COG5: variants seen among roughly 807,000 people sequenced by gnomAD.
COG5 encodes conserved oligomeric Golgi complex subunit 5.
COG5 carries 86 observed loss-of-function variants against 110.4 expected under a neutral mutation model. That is an observed-to-expected ratio of 0.78 (90% CI 0.65 to 0.93). The LOEUF (loss-of-function observed/expected upper bound fraction) is 0.93. Ranked by LOEUF, COG5 falls within the 40% of genes least tolerant of loss-of-function variation. COG5 has a pLI of 0.00. For synonymous variants in COG5, 360 were observed against 334.6 expected (o/e 1.08, Z -0.83); for missense variants, 1,077 against 987.0 (o/e 1.09, Z -1.22).
chr7:107,543,716 C>T (rs1252203945), intron 5 of COG5, among the ~76,000 whole-genome samples: 1 of 152,170 alleles, frequency 6.6e-6, no homozygotes, highest in Non-Finnish European at 1.5e-5. Flanking sequence ...CAGGTTGGCA[C>T]CTGTGGCCTC....
chr7:107,395,394 G>T (rs189358522), intron 7 of COG5, among the ~76,000 whole-genome samples: 23 of 152,166 alleles, frequency 1.5e-4, no homozygotes, highest in African/African-American at 5.5e-4. Flanking sequence ...AGAGGTTATA[G>T]TCAGAAAGAT....
intron 6 of COG5, among the ~76,000 whole-genome samples, 156 bp downstream of exon 6, chr7:107,527,077 TACTC>T (rs1484252344): frequency 6.6e-6 from 1 of 152,200 alleles, no homozygotes; most frequent in Non-Finnish European, 1.5e-5. Flanking sequence ...TACTTGTACT[TACTC>T]ATTCTGAGAA....
intron 10 of COG5, among the ~76,000 whole-genome samples, chr7:107,354,040 G>C (rs899495762): frequency 7.9e-5 from 12 of 152,122 alleles, no homozygotes; most frequent in African/African-American, 2.9e-4. Context: ...GCTAAAAAAA[G>C]TATATACTTT....
At chr7:107,457,578 G>A (rs373109181) in intron 6 of COG5, among the ~76,000 whole-genome samples, 151 of 151,970 alleles carry the variant, frequency 9.9e-4, no homozygotes, top group Non-Finnish European at 1.6e-3. Context: ...ACAGGTGCCC[G>A]CCACCATGCC....
intron 12 of COG5, among the ~76,000 whole-genome samples, chr7:107,294,713 CTTTTT>C (rs796291188): frequency 8.2e-5 from 9 of 110,034 alleles, no homozygotes; most frequent in African/African-American, 3.1e-4. Context: ...AATTTTCTTT[CTTTTT>C]TTTTTTTTTT....
At chr7:107,403,182 T>C (rs1376205356) in intron 7 of COG5, among the ~76,000 whole-genome samples, 1 of 152,178 alleles carries the variant, frequency 6.6e-6, no homozygotes, top group Non-Finnish European at 1.5e-5. Context: ...CTAACTTTCT[T>C]CTAATAAATA....
chr7:107,249,709 T>TGC (rs558254013), intron 16 of COG5, among the ~76,000 whole-genome samples: 6,278 of 144,446 alleles, frequency 0.043, 172 homozygotes, highest in African/African-American at 0.075. Context: ...TGTGTGTGTG[T>TGC]GTGTGTGTGT....
intron 6 of COG5, among the ~76,000 whole-genome samples, chr7:107,413,976 C>CT (rs1792507420): frequency 6.6e-6 from 1 of 152,134 alleles, no homozygotes; most frequent in African/African-American, 2.4e-5. Flanking sequence ...CCTGGTCTTT[C>CT]TGACCACAGT....
intron 6 of COG5, among the ~76,000 whole-genome samples, chr7:107,506,421 G>A (rs1024150553): frequency 6.6e-6 from 1 of 152,188 alleles, no homozygotes; most frequent in South Asian, 2.1e-4. Context: ...GGGTCAGGCA[G>A]GTCCCTGCTC....
intron 14 of COG5, among the ~76,000 whole-genome samples, chr7:107,278,539 T>C (rs532670008): frequency 6.6e-6 from 1 of 152,288 alleles, no homozygotes; most frequent in South Asian, 2.1e-4. Context: ...TCTGTTCCTG[T>C]GTTTGTTTGC....
chr7:107,551,519 A>C (rs547735260), intron 3 of COG5, among the ~76,000 whole-genome samples: 10 of 152,244 alleles, frequency 6.6e-5, no homozygotes, highest in African/African-American at 2.4e-4. Context: ...AATTTTTCTA[A>C]TATGTATACA....
At chr7:107,302,298 T>C (rs1258190067) in intron 11 of COG5, among the ~76,000 whole-genome samples, 5 of 152,170 alleles carry the variant, frequency 3.3e-5, no homozygotes, top group Non-Finnish European at 5.9e-5. Context: ...ATCATTCAAT[T>C]TGTACAAAAT....
At chr7:107,312,524 A>G (rs1401470226) in intron 11 of COG5, among the ~76,000 whole-genome samples, 3 of 152,180 alleles carry the variant, frequency 2.0e-5, no homozygotes, top group Non-Finnish European at 4.4e-5. Flanking sequence ...GGAACACTTC[A>G]TTTCTACTCT....
At chr7:107,396,798 C>G in intron 7 of COG5, among the ~76,000 whole-genome samples, 1 of 151,872 alleles carries the variant, frequency 6.6e-6, no homozygotes. Context: ...TATTCCAAGT[C>G]ATATTAGATA....
intron 7 of COG5, among the ~76,000 whole-genome samples, chr7:107,374,778 A>G (rs1348232960): frequency 1.3e-5 from 2 of 152,050 alleles, no homozygotes; most frequent in African/African-American, 4.8e-5. Flanking sequence ...AGTAATTTTA[A>G]ACTTGTCAAT....
intron 6 of COG5, among the ~76,000 whole-genome samples, chr7:107,414,789 C>T (rs1306415135): frequency 7.0e-5 from 9 of 128,862 alleles, no homozygotes; most frequent in African/African-American, 2.5e-4. Flanking sequence ...TACAGTGGTG[C>T]GATCTCGGCT....
intron 6 of COG5, among the ~76,000 whole-genome samples, chr7:107,442,786 A>G (rs1794797585): frequency 6.6e-6 from 1 of 152,196 alleles, no homozygotes; most frequent in Admixed American, 6.5e-5. Context: ...GAATACAAAT[A>G]CAAGATTTTA....
intron 14 of COG5, among the ~76,000 whole-genome samples, chr7:107,279,988 A>G (rs927114256): frequency 2.6e-5 from 4 of 152,098 alleles, no homozygotes; most frequent in African/African-American, 9.7e-5. Context: ...CTCTCAATGC[A>G]AGGTATTTTC....
rs538923565 is a variant in COG5 at position 107,279,008 on chromosome 7, G to A, written c.1575+2292C>T. On this transcript the variant is annotated intron_variant, in intron 14 of 21. Coordinates refer to ENST00000297135, the MANE Select transcript of COG5 (RefSeq NM_006348.5). ...CATCGGAGTGCACAGGCAACCTACA[G>A]AATGGGAGAAAAGTTTTGCAATCTA... 2.6e-4 allele frequency among the ~76,000 whole-genome samples: 40 copies of A among 152,256 alleles called. No homozygotes were observed. In the South Asian group the frequency reaches 7.7e-3, roughly 29 times the overall value.
Sources: gnomAD v4.1 joint callset for allele counts (sites outside exome capture counted in the v4.1 genomes callset) on GRCh38, gnomAD v4.1.1 for gene constraint, MANE v1.5 for transcripts, NCBI Gene and HGNC (gene_info 2026-07-23, HGNC 2026-07-21) for gene names.